The following IFT74 variants were observed in gnomAD, a reference collection of about 807,000 sequenced individuals.
The protein encoded by IFT74 is intraflagellar transport protein 74 homolog.
In IFT74, 92 loss-of-function variants were observed where a neutral mutation model predicts 96.7. That is an observed-to-expected ratio of 0.95 (90% CI 0.80 to 1.13). IFT74 has a LOEUF of 1.13. Among genes scored for constraint, IFT74 ranks in the 50% most tolerant of loss-of-function variants. The pLI, the probability that IFT74 is intolerant of heterozygous loss-of-function variation, is 0.00. For missense variants in IFT74, 811 were observed against 698.2 expected, an observed-to-expected ratio of 1.16 and a Z score of -1.82; for synonymous variants, 223 against 213.2, an observed-to-expected ratio of 1.05 and a Z score of -0.40.
chr9:26,972,218 GTC>G (rs1826910998), intron 2 of IFT74, among the ~76,000 whole-genome samples: 1 of 152,070 alleles, frequency 6.6e-6, no homozygotes, highest in African/African-American at 2.4e-5. Context: ...TAACAGAATG[GTC>G]TTATACTTTA....
intron 8 of IFT74, among the ~76,000 whole-genome samples, chr9:27,002,622 T>C (rs1733451758): frequency 6.6e-6 from 1 of 152,208 alleles, no homozygotes; most frequent in Non-Finnish European, 1.5e-5. Context: ...TATATCTGAG[T>C]TCTCTATTCC....
chr9:27,012,610 T>G (rs114538814), intron 10 of IFT74, among the ~76,000 whole-genome samples: 296 of 152,170 alleles, frequency 1.9e-3, no homozygotes, highest in African/African-American at 6.9e-3. Flanking sequence ...ATGTAAAAAC[T>G]TACTTTTTTT....
Position 26,988,683 on chromosome 9 carries a change from T to G in IFT74, c.480T>G (p.Leu160=), listed in dbSNP as rs756942936. The part of the protein sequence containing the change: ...LADYNMLVDK[L]NTNTEMEEVM... ...TTTGTTTTTAGTTGGTAGATAAACT[T>G]AATACCAACACTGAAATGGAAGAAG... The change falls in exon 7 of 20, where the codon CTT becomes CTG. Residue 160 remains leucine, a synonymous_variant. Transcript: ENST00000380062. 28 of 1,548,694 alleles carry G rather than the reference T, an allele frequency of 1.8e-5. No homozygotes were observed. Among genetic ancestry groups the G allele is most frequent in the Middle Eastern group, 1.7e-4 (1 of 5,884 alleles).
chr9:26,989,205 T>C (rs1305672718), intron 7 of IFT74, among the ~76,000 whole-genome samples: 1 of 152,070 alleles, frequency 6.6e-6, no homozygotes. Context: ...CACTGGGGAC[T>C]CCAAAAAGGG....
intron 17 of IFT74, among the ~76,000 whole-genome samples, chr9:27,055,998 A>G (rs1587425601): frequency 1.3e-5 from 2 of 152,262 alleles, no homozygotes; most frequent in East Asian, 3.9e-4. Flanking sequence ...TACTTAATAC[A>G]GAGCATTTCA....
At chr9:26,948,448 A>ATTATTATTTTTT (rs1825819541) in intron 1 of IFT74, among the ~76,000 whole-genome samples, 19 of 59,166 alleles carry the variant, frequency 3.2e-4, no homozygotes, top group Non-Finnish European at 4.6e-4. Context: ...GCTTTCCATT[A>ATTATTATTTTTT]TTTTTTTTTT....
chr9:27,031,129 G>A (rs1031952911), intron 13 of IFT74, among the ~76,000 whole-genome samples: 1 of 151,910 alleles, frequency 6.6e-6, no homozygotes, highest in Non-Finnish European at 1.5e-5. Context: ...CCAAGTAGCC[G>A]GGACTACAGG....
At chr9:26,984,161 T>C (rs1827525244) in intron 4 of IFT74, 96 bp from the exon 5 acceptor site, 3 of 905,170 alleles carry the variant, frequency 3.3e-6, no homozygotes, top group African/African-American at 3.5e-5. Context: ...AAACTATTTA[T>C]ATTATTATTA....
intron 4 of IFT74, among the ~76,000 whole-genome samples, chr9:26,982,579 C>A (rs1827434490): frequency 6.6e-6 from 1 of 151,770 alleles, no homozygotes; most frequent in African/African-American, 2.4e-5. Flanking sequence ...CCTCAGCCTC[C>A]CGAGTAGCTG....
intron 18 of IFT74, among the ~76,000 whole-genome samples, chr9:27,059,333 G>A (rs1268446300): frequency 6.6e-6 from 1 of 152,154 alleles, no homozygotes; most frequent in African/African-American, 2.4e-5. Context: ...ACTAGTTAGG[G>A]AAAAACAGAT....
rs369457149 is a variant in IFT74, at chr9:26,966,339, A to G, written c.120+4252A>G. ...CTTTATATATTTGTCAGCATTTGCT[A>G]TTGCCTTTCTTTTGGATAAAAGTCG... On this transcript the variant is annotated intron_variant, in intron 2 of 19. Coordinates refer to ENST00000380062, the MANE Select transcript of IFT74 (RefSeq NM_025103.4). Among the ~76,000 whole-genome samples the G allele has an allele frequency of 9.9e-5, 15 of 152,036 alleles. No homozygotes were observed. The East Asian group carries it at 1.7e-3, about 18-fold the overall frequency.
chr9:26,963,613 A>G (rs1323203520), intron 2 of IFT74, among the ~76,000 whole-genome samples: 3 of 151,166 alleles, frequency 2.0e-5, no homozygotes, highest in African/African-American at 7.3e-5. Flanking sequence ...CATCCTCTCC[A>G]GCACCTGTTG....
chr9:26,978,073 A>G, intron 2 of IFT74, 55 bp from the exon 3 acceptor site: 1 of 1,458,188 alleles, frequency 6.9e-7, no homozygotes, highest in South Asian at 1.4e-5. Context: ...TTACAATAAA[A>G]GATGTACAGT....
Position 27,030,940 on chromosome 9 carries a change from G to C in IFT74, c.1054+1836G>C, listed in dbSNP as rs374981504. ...CAACATGGGATACTATTTTTAATAA[G>C]GATGTTTTTATCCTCAAGGCTTACT... is the stretch of plus-strand genomic sequence containing the variant. On this transcript the variant is annotated intron_variant, in intron 13 of 19. Coordinates refer to ENST00000380062, the MANE Select transcript of IFT74 (RefSeq NM_025103.4). 3.3e-5 allele frequency among the ~76,000 whole-genome samples: 5 copies of C among 152,172 alleles called. No homozygotes were observed. The East Asian group carries it at 9.6e-4, about 29-fold the overall frequency.
chr9:27,003,901 G>A (rs926825924), intron 8 of IFT74, among the ~76,000 whole-genome samples: 3 of 152,206 alleles, frequency 2.0e-5, no homozygotes, highest in South Asian at 4.1e-4. Flanking sequence ...ATGATTTATA[G>A]GAATAGGTGT....
At chr9:27,049,650 CT>C (rs1439119739) in intron 16 of IFT74, among the ~76,000 whole-genome samples, 1 of 152,058 alleles carries the variant, frequency 6.6e-6, no homozygotes, top group Non-Finnish European at 1.5e-5. Context: ...AATCTGTTTC[CT>C]CAAGAAACTT....
At chr9:26,951,477 A>C (rs944415602), upstream of IFT74, among the ~76,000 whole-genome samples, 1 of 152,236 alleles carries the variant, frequency 6.6e-6, no homozygotes, top group African/African-American at 2.4e-5. Flanking sequence ...ATAAAATATT[A>C]AAATGCATTG....
At chr9:26,970,038 T>A (rs969725377) in intron 2 of IFT74, among the ~76,000 whole-genome samples, 3 of 152,118 alleles carry the variant, frequency 2.0e-5, no homozygotes, top group East Asian at 1.9e-4. Flanking sequence ...TTGTTTTTTT[T>A]AATTTCCACT....
chr9:26,998,344 G>A, intron 8 of IFT74: 3 of 677,480 alleles, frequency 4.4e-6, no homozygotes, highest in South Asian at 3.4e-5. Flanking sequence ...ACGTTATTTT[G>A]GGAAAAAAAC....
Sources: gnomAD v4.1 joint callset for allele counts (sites outside exome capture counted in the v4.1 genomes callset) on GRCh38, gnomAD v4.1.1 for gene constraint, MANE v1.5 for transcripts, NCBI Gene and HGNC (gene_info 2026-07-23, HGNC 2026-07-21) for gene names.